LRRTM4: variants seen among roughly 807,000 people sequenced by gnomAD.
LRRTM4 encodes the protein leucine-rich repeat transmembrane neuronal protein 4.
LRRTM4 carries 25 observed loss-of-function variants against 47.6 expected under a neutral mutation model. The ratio of observed to expected loss-of-function variants is 0.53; its 90% confidence interval spans 0.38 to 0.73. LRRTM4 has a LOEUF of 0.73. Among genes scored for constraint, LRRTM4 ranks in the 30% least tolerant of loss-of-function variants. LRRTM4 has a pLI of 0.00. For missense variants in LRRTM4, 638 were observed against 713.4 expected (o/e 0.89, Z 1.20); for synonymous variants, 311 against 269.5 (o/e 1.15, Z -1.51).
intron 3 of LRRTM4, among the ~76,000 whole-genome samples, chr2:77,503,621 G>A (rs1678656010): frequency 6.6e-6 from 1 of 151,496 alleles, no homozygotes; most frequent in Non-Finnish European, 1.5e-5. Context: ...AGATCAGAAA[G>A]AGAGGGTGAG....
rs906652234 is a variant in LRRTM4 at position 76,840,988 on chromosome 2, T to C, written c.1552-92072A>G. Among the ~76,000 whole-genome samples the C allele has an allele frequency of 5.9e-5, 9 of 151,340 alleles. No homozygotes were observed. The East Asian group carries it at 1.2e-3, about 20-fold the overall frequency. ...GACACATGCACACGTATGTTTATTG[T>C]GGCACTACTCACAATAGCAAAGACT... On this transcript the variant is annotated intron_variant, in intron 3 of 3. Transcript: ENST00000409884.
rs5832261 is a variant in LRRTM4 at position 76,893,057 on chromosome 2, C to CA, written c.1552-144142dup. ...ATAATCATTGTCAGCAGAAAACAAG[C>CA]AAAAAAAAAAAAATCAATATACAAA... On this transcript the variant is annotated intron_variant, in intron 3 of 3. Transcript: ENST00000409884. Among the ~76,000 whole-genome samples the CA allele has an allele frequency of 3.3e-3, 455 of 138,342 alleles. 2 individuals are homozygous for CA. Among genetic ancestry groups the CA allele is most frequent in the African/African-American group, 9.2e-3 (353 of 38,196 alleles). The allele number at this position is 138,342 out of a possible 152,430, so 90.8% of individuals were successfully genotyped here. A position where few individuals can be genotyped will look rare whatever the true frequency, so the allele number is the denominator to read the frequency against.
chr2:77,308,668 C>A (rs532054566), intron 3 of LRRTM4, among the ~76,000 whole-genome samples: 2 of 152,308 alleles, frequency 1.3e-5, no homozygotes, highest in Admixed American at 1.3e-4. Context: ...ATCATTCCCA[C>A]TTCCTGACAT....
intron 3 of LRRTM4, among the ~76,000 whole-genome samples, chr2:77,422,618 A>C (rs1265125853): frequency 6.6e-6 from 1 of 152,220 alleles, no homozygotes; most frequent in African/African-American, 2.4e-5. Flanking sequence ...AATTTGAAAA[A>C]ATAGAATATT....
intron 3 of LRRTM4, among the ~76,000 whole-genome samples, chr2:76,936,904 G>C (rs1188554621): frequency 3.2e-4 from 39 of 122,748 alleles, no homozygotes; most frequent in African/African-American, 1.2e-3. Flanking sequence ...GCAGTGAGCC[G>C]AGATGGCATC....
intron 3 of LRRTM4, among the ~76,000 whole-genome samples, chr2:77,366,545 G>T (rs968574609): frequency 1.3e-5 from 2 of 151,728 alleles, no homozygotes; most frequent in African/African-American, 4.8e-5. Context: ...ACTCCTAAAA[G>T]CTTTAACCAA....
intron 3 of LRRTM4, among the ~76,000 whole-genome samples, chr2:76,906,050 T>A (rs528392786): frequency 1.2e-4 from 19 of 152,190 alleles, no homozygotes; most frequent in African/African-American, 4.6e-4. Flanking sequence ...ATTGTCAGAT[T>A]CACTAAAGTT....
At chr2:77,203,282 C>T (rs1005017137) in intron 3 of LRRTM4, among the ~76,000 whole-genome samples, 4 of 151,944 alleles carry the variant, frequency 2.6e-5, no homozygotes, top group Admixed American at 6.6e-5. Flanking sequence ...GGTCCCTAAA[C>T]GGCAAAAACA....
rs1326892349 is a variant in LRRTM4, at chr2:77,275,227, G to C, written c.1551+243091C>G. Among the ~76,000 whole-genome samples the C allele has an allele frequency of 2.0e-5, 3 of 152,132 alleles. No homozygotes were observed. The East Asian group carries it at 5.8e-4, about 29-fold the overall frequency. ...TTTTAGTACCCACCTACACTGATTT[G>C]CATTGTTATTTATTCCTGCAAAGAT... On this transcript the variant is annotated intron_variant, in intron 3 of 3. Transcript: ENST00000409884.
intron 3 of LRRTM4, among the ~76,000 whole-genome samples, chr2:77,458,201 C>T (rs780662152): frequency 2.0e-5 from 3 of 152,110 alleles, no homozygotes; most frequent in African/African-American, 4.8e-5. Flanking sequence ...AGATGTTAAT[C>T]TCTGTTCAAA....
chr2:77,314,727 C>T (rs1677567816), intron 3 of LRRTM4, among the ~76,000 whole-genome samples: 1 of 152,154 alleles, frequency 6.6e-6, no homozygotes, highest in East Asian at 1.9e-4. Context: ...GGATCCCCAG[C>T]TAAACAATGG....
At chr2:76,847,934 G>A (rs1573205807) in intron 3 of LRRTM4, among the ~76,000 whole-genome samples, 3 of 152,020 alleles carry the variant, frequency 2.0e-5, no homozygotes, top group African/African-American at 7.2e-5. Flanking sequence ...TGTTCCCTAT[G>A]GGGCACTCTA....
chr2:77,502,335 A>T lies in LRRTM4; in HGVS notation c.1551+15983T>A, dbSNP rs1678600010. On this transcript the variant is annotated intron_variant, in intron 3 of 3. Transcript: ENST00000409884. ...GTATTTTATCATTTTGAACATAAACATGTAATAAAATGGCATATTAATGAA... is the reference window on the plus strand; with the variant it reads ...GTATTTTATCATTTTGAACATAAACTTGTAATAAAATGGCATATTAATGAA... 2.6e-5 allele frequency among the ~76,000 whole-genome samples: 4 copies of T among 151,444 alleles called. No individual in the cohort carries two copies. The South Asian group carries it at 8.3e-4, about 31-fold the overall frequency.
At chr2:77,270,182 G>A (rs1676154805) in intron 3 of LRRTM4, among the ~76,000 whole-genome samples, 1 of 152,052 alleles carries the variant, frequency 6.6e-6, no homozygotes, top group African/African-American at 2.4e-5. Flanking sequence ...TATGTATTTG[G>A]GTCACTGGTT....
chr2:76,804,448 T>C (rs908700409), intron 3 of LRRTM4, among the ~76,000 whole-genome samples: 1 of 151,962 alleles, frequency 6.6e-6, no homozygotes, highest in African/African-American at 2.4e-5. Context: ...TTATTCACCA[T>C]ACAGGACTGG....
At chr2:77,252,118 A>T (rs1245099614) in intron 3 of LRRTM4, among the ~76,000 whole-genome samples, 1 of 152,172 alleles carries the variant, frequency 6.6e-6, no homozygotes, top group African/African-American at 2.4e-5. Flanking sequence ...TCAAGACAAT[A>T]GTTGGCACCA....
At chr2:77,261,971 TC>T (rs139760899) in intron 3 of LRRTM4, among the ~76,000 whole-genome samples, 4,595 of 151,996 alleles carry the variant, frequency 0.03, 260 homozygotes, top group African/African-American at 0.11. Context: ...TTACAGCCAT[TC>T]CCCAGCATTG....
intron 3 of LRRTM4, among the ~76,000 whole-genome samples, chr2:76,771,232 G>A (rs1345591594): frequency 1.3e-5 from 2 of 152,132 alleles, no homozygotes; most frequent in African/African-American, 4.8e-5. Flanking sequence ...AAGATGAAGG[G>A]AGAGCCACAG....
intron 3 of LRRTM4, among the ~76,000 whole-genome samples, chr2:77,410,586 G>A (rs780495968): frequency 6.6e-5 from 10 of 152,138 alleles, no homozygotes; most frequent in Non-Finnish European, 1.2e-4. Context: ...TGCTTATAAA[G>A]GGGAGAGGCA....
Sources: allele counts gnomAD v4.1 joint callset (sites outside exome capture counted in the v4.1 genomes callset), GRCh38; gene constraint gnomAD v4.1.1; transcripts MANE v1.5; gene names NCBI Gene and HGNC (gene_info 2026-07-23, HGNC 2026-07-21).